The following CC2D2B variants were observed in gnomAD, a reference collection of about 807,000 sequenced individuals.
CC2D2B encodes the protein protein CC2D2B.
A neutral mutation model predicts 161.2 loss-of-function variants in CC2D2B; 128 were observed. The observed-to-expected ratio is 0.79, with a 90% CI of 0.69 to 0.92. CC2D2B has a LOEUF of 0.92. CC2D2B is among the 40% of genes least tolerant of loss of function. The pLI is 0.00. For synonymous variants in CC2D2B, 391 were observed against 449.8 expected, an observed-to-expected ratio of 0.87 and a Z score of 1.65; for missense variants, 1,173 against 1,375.1, an observed-to-expected ratio of 0.85 and a Z score of 2.32.
intron 34 of CC2D2B, 22 bp from the exon 35 acceptor site, chr10:96,031,798 T>G (rs546816401): frequency 3.6e-5 from 57 of 1,602,378 alleles, no homozygotes; most frequent in Non-Finnish European, 4.9e-5. Flanking sequence ...TGGGTTTATG[T>G]GCTGTTCTGT....
At chr10:95,968,189 C>T (rs1175667673) in intron 14 of CC2D2B, among the ~76,000 whole-genome samples, 1 of 152,150 alleles carries the variant, frequency 6.6e-6, no homozygotes, top group African/African-American at 2.4e-5. Flanking sequence ...AAGGGGTACA[C>T]AGCCTAAAGC....
intron 19 of CC2D2B, among the ~76,000 whole-genome samples, chr10:95,987,116 G>A (rs1011936518): frequency 2.0e-5 from 3 of 151,882 alleles, no homozygotes; most frequent in African/African-American, 7.3e-5. Context: ...CAAGGTCAGG[G>A]TTTCAAGACC....
rs751152323 is a variant in CC2D2B, at chr10:95,938,151, A to T, written c.497A>T (p.Lys166Ile). 3.8e-5 allele frequency: 59 copies of T among 1,550,330 alleles called. No homozygotes were observed. Among genetic ancestry groups the T allele is most frequent in the Middle Eastern group, 3.4e-4 (2 of 5,814 alleles). ...GAAGATGATCAAGAACAAATAAAAA[A>T]ACAGAAGGCAAATATTTTTGTACCA... ...DYEDDQEQIK[K>I]QKANIFVPSS... Residue 166 changes from lysine to isoleucine, a missense_variant, in exon 7 of 35, where the codon AAA (lysine) becomes ATA (isoleucine). Physicochemically the swap from Lys to Ile is moderately radical, Grantham distance 102. Around this residue, in one of 3 missense-constraint regions of CC2D2B, gnomAD observed 298 missense variants for 261.2 expected, o/e 1.14. Transcript: ENST00000646931.
In CC2D2B at chr10:95,938,627, A is replaced by G; in HGVS notation, c.594A>G (p.Gly198=). The G allele has an allele frequency of 1.4e-6, 1 of 714,070 alleles. No individual in the cohort carries two copies. The highest frequency in any genetic ancestry group is 2.6e-6 in the Non-Finnish European group (1 of 384,178). 44.2% of individuals were successfully genotyped at this position (714,070 alleles called of 1,614,324 possible). Residue 198 remains glycine (G), a synonymous_variant, in exon 8 of 35, where the codon GGA becomes GGG. Transcript: ENST00000646931. ...TGCCACGTATTCTAGAAGATGAAGG[A>G]TTCTATATTCAGAGAAAGCCAGAAA... ...DMMPRILEDE[G]FYIQRKPEIY... is the part of the protein sequence containing the mutation.
At chr10:96,031,784 A>G in intron 34 of CC2D2B, 36 bp from the exon 35 acceptor site, 3 of 1,546,266 alleles carry the variant, frequency 1.9e-6, no homozygotes, top group Non-Finnish European at 2.7e-6. Context: ...ACCCAGTTGT[A>G]ATGTGGGTTT....
At chr10:95,964,919 G>A (rs2076888587) in intron 12 of CC2D2B, among the ~76,000 whole-genome samples, 1 of 152,072 alleles carries the variant, frequency 6.6e-6, no homozygotes, top group African/African-American at 2.4e-5. Flanking sequence ...ACCTCCTAAA[G>A]AAACCATCTT....
Position 95,994,766 on chromosome 10 carries a change from T to C in CC2D2B, c.2643-503T>C, listed in dbSNP as rs577268812. 9.2e-5 allele frequency among the ~76,000 whole-genome samples: 14 copies of C among 152,340 alleles called. No individual in the cohort carries two copies. In the East Asian group the frequency reaches 2.5e-3, roughly 27 times the overall value. ...CCCGCCGGTCATTCCTTGGTTATAT[T>C]AGTAATACAAAAAGAGTAATATTAA... On this transcript the variant is annotated intron_variant, in intron 22 of 34. Transcript: ENST00000646931.
chr10:95,933,505 C>T (rs1183074875), intron 6 of CC2D2B, among the ~76,000 whole-genome samples: 2 of 152,092 alleles, frequency 1.3e-5, no homozygotes, highest in African/African-American at 2.4e-5. Flanking sequence ...CTGTTTTTTC[C>T]TCATCTTCAT....
chr10:96,030,714 C>A (rs745477728), intron 34 of CC2D2B, among the ~76,000 whole-genome samples: 1 of 152,056 alleles, frequency 6.6e-6, no homozygotes, highest in Admixed American at 6.6e-5. Flanking sequence ...CTTGCTGTTT[C>A]CTCATATGGT....
chr10:95,938,446 G>C (rs938565498), intron 7 of CC2D2B, 123 bp from the exon 8 acceptor site: 13 of 602,608 alleles, frequency 2.2e-5, no homozygotes, highest in Non-Finnish European at 3.0e-6. Context: ...GACAGTGAGA[G>C]AGAGGCTTTC....
chr10:95,980,805 T>C (rs1249054511), intron 17 of CC2D2B, among the ~76,000 whole-genome samples: 1 of 152,176 alleles, frequency 6.6e-6, no homozygotes, highest in Non-Finnish European at 1.5e-5. Context: ...GGCTAAGACA[T>C]TGTTGAATCC....
chr10:95,909,680 C>T (rs566302524), intron 1 of CC2D2B, among the ~76,000 whole-genome samples: 1 of 152,312 alleles, frequency 6.6e-6, no homozygotes, highest in African/African-American at 2.4e-5. Flanking sequence ...CTAAGATATG[C>T]ATTGTGTAAC....
chr10:95,982,193 G>A, intron 18 of CC2D2B, 80 bp downstream of exon 18: 2 of 984,952 alleles, frequency 2.0e-6, no homozygotes, highest in Non-Finnish European at 2.6e-6. Flanking sequence ...TTCCCCCATA[G>A]TTTGCTGTAT....
intron 6 of CC2D2B, among the ~76,000 whole-genome samples, chr10:95,932,081 A>G (rs2075622461): frequency 6.6e-6 from 1 of 152,184 alleles, no homozygotes. Context: ...ATGCATATAT[A>G]TATTTAGGAT....
chr10:96,013,902 TAA>T, intron 29 of CC2D2B, 25 bp downstream of exon 29: 1 of 1,130,978 alleles, frequency 8.8e-7, no homozygotes, highest in Non-Finnish European at 1.2e-6. Flanking sequence ...TTTATATATA[TAA>T]TTGAAATATA....
In CC2D2B at chr10:95,996,187, A is replaced by G. The variant is rs190077771; in HGVS notation, c.2784A>G (p.Val928=). ...PFVEVSFQHT[V]YKTNTASGSH... ...TGGAAGTTTCTTTCCAGCACACTGT[A>G]TACAAAACCAATACAGCAAGTGGAT... The change falls in exon 24 of 35, where the codon GTA becomes GTG. Residue 928 remains valine (V), a synonymous_variant. Transcript: ENST00000646931. The G allele has an allele frequency of 1.3e-3, 1,907 of 1,519,214 alleles. No individual in the cohort carries two copies. The highest frequency in any genetic ancestry group is 1.5e-3 in the Non-Finnish European group (1,743 of 1,135,464). The allele number at this position is 1,519,214 out of a possible 1,614,324, so 94.1% of individuals were successfully genotyped here.
intron 33 of CC2D2B, 41 bp from the exon 34 acceptor site, chr10:96,027,171 T>G: frequency 1.5e-6 from 2 of 1,365,632 alleles, no homozygotes; most frequent in Non-Finnish European, 2.0e-6. Flanking sequence ...ACCAAATGAG[T>G]TATAACTTGT....
At chr10:96,025,146 TAA>T (rs58200004) in intron 33 of CC2D2B, among the ~76,000 whole-genome samples, 391 of 29,728 alleles carry the variant, frequency 0.013, 4 homozygotes, top group Middle Eastern at 0.071. Flanking sequence ...TCATCTCTAC[TAA>T]AAAAAAATAT....
Position 96,010,925 on chromosome 10 carries a change from A to G in CC2D2B, c.3045+1002A>G, listed in dbSNP as rs546027527. Among the ~76,000 whole-genome samples, 69 of 152,320 alleles carry G rather than the reference A, an allele frequency of 4.5e-4. 1 individual carries two copies. The highest frequency in any genetic ancestry group is 1.6e-3 in the African/African-American group (66 of 41,562). On this transcript the variant is annotated intron_variant, in intron 26 of 34. Transcript: ENST00000646931. The stretch of plus-strand genomic sequence containing the variant: ...TGCTCTCAGATTTATTTCAGAGACA[A>G]TCATTTAAAAAATATATACAAATCC...
Sources: allele counts gnomAD v4.1 joint callset (sites outside exome capture counted in the v4.1 genomes callset), GRCh38; gene constraint gnomAD v4.1.1; regional missense constraint gnomAD v4.1.1; transcripts MANE v1.5; gene names NCBI Gene and HGNC (gene_info 2026-07-23, HGNC 2026-07-21).